ETNK2: variants seen among roughly 807,000 people sequenced by gnomAD.
The protein encoded by ETNK2 is ethanolamine kinase-like protein.
A neutral mutation model predicts 46.2 loss-of-function variants in ETNK2; 33 were observed. That is an observed-to-expected ratio of 0.71 (90% CI 0.54 to 0.96). The LOEUF is 0.96. Ranked by LOEUF, ETNK2 falls within the 40% of genes least tolerant of loss-of-function variation. The pLI is 0.00. For missense variants in ETNK2, 445 were observed against 509.7 expected (o/e 0.87, Z 1.22); for synonymous variants, 194 against 209.0 (o/e 0.93, Z 0.62).
chr1:204,138,258 C>A (rs1226916172), intron 5 of ETNK2, among the ~76,000 whole-genome samples: 1 of 152,138 alleles, frequency 6.6e-6, no homozygotes, highest in African/African-American at 2.4e-5. Context: ...CTCCTGCGCA[C>A]CCATGAGGCC....
chr1:204,147,030 C>A, intron 2 of ETNK2: 1 of 598,716 alleles, frequency 1.7e-6, no homozygotes, highest in Non-Finnish European at 3.2e-6. Flanking sequence ...AAGGGCAGAG[C>A]AGTGGGGCTG....
At chr1:204,145,576 G>C (rs142717771) in intron 3 of ETNK2, among the ~76,000 whole-genome samples, 153 of 152,360 alleles carry the variant, frequency 1.0e-3, no homozygotes, top group Middle Eastern at 3.4e-3. Context: ...GGGCAGGCCT[G>C]GGCCACCTTG....
intron 4 of ETNK2, 129 bp from the exon 5 acceptor site, chr1:204,140,247 C>G (rs1657450860): frequency 1.5e-6 from 1 of 683,096 alleles, no homozygotes; most frequent in Non-Finnish European, 2.6e-6. Context: ...CCTGCCCAAT[C>G]CCATCACTGC....
In ETNK2 at chr1:204,141,475, A is replaced by AG. The variant is rs1657535571; in HGVS notation, c.642-19dup. 3.8e-6 allele frequency: 6 copies of AG among 1,562,644 alleles called. No homozygotes were observed. The highest frequency in any genetic ancestry group is 5.2e-6 in the Non-Finnish European group (6 of 1,153,278). Reference sequence around the variant, plus strand: ...CAGAAAGGCTGGGCAGTGGCAAAAAAGGTAGCCAGTGAAAGGAGGGCTGAT... The same window carrying AG: ...CAGAAAGGCTGGGCAGTGGCAAAAAAGGGTAGCCAGTGAAAGGAGGGCTGAT... On this transcript the variant is annotated intron_variant, in intron 3 of 7. Coordinates refer to ENST00000367202, the MANE Select transcript of ETNK2 (RefSeq NM_018208.4).
intron 6 of ETNK2, 115 bp downstream of exon 6, chr1:204,136,988 TG>T: frequency 7.2e-7 from 1 of 1,389,086 alleles, no homozygotes; most frequent in Non-Finnish European, 9.9e-7. Context: ...GAGCCAGGGA[TG>T]GGTGTCCCCA....
In ETNK2 at chr1:204,151,735, G is replaced by A. The variant is rs1296606725; in HGVS notation, c.118C>T (p.Arg40Trp). The A allele has an allele frequency of 1.7e-5, 26 of 1,534,002 alleles. No individual in the cohort carries two copies. Among genetic ancestry groups the A allele is most frequent in the East Asian group, 4.9e-5 (2 of 40,570 alleles). The change falls in exon 1 of 8, where the codon CGG becomes TGG. Residue 40 changes from arginine to tryptophan, a missense_variant. Transcript: ENST00000367202. The surrounding 1 kb of genome is among the most constrained non-coding windows in gnomAD (Gnocchi z 8.0). ...GCCCTCGGGGGGCCCGGCGGCTCCC[G>A]GCAGCTGGCGCTGGCCGCCGCCTTC... Reference protein sequence around the residue: ...EEKAAASASCREPPGPPRAAA... With the variant: ...EEKAAASASCWEPPGPPRAAA...
At chr1:204,148,624 CA>C (rs1657886268) in intron 2 of ETNK2, among the ~76,000 whole-genome samples, 1 of 150,488 alleles carries the variant, frequency 6.6e-6, no homozygotes, top group Admixed American at 6.6e-5. Flanking sequence ...CTACAATACA[CA>C]ACTCAAATAT....
At chr1:204,142,738 CA>C (rs1056425210) in intron 3 of ETNK2, 3 of 152,284 alleles carry the variant, frequency 2.0e-5, no homozygotes, top group African/African-American at 7.2e-5. Flanking sequence ...TCACCCAGCC[CA>C]GGGGCCAGAA....
intron 2 of ETNK2, chr1:204,147,030 C>G: frequency 1.7e-6 from 1 of 598,716 alleles, no homozygotes; most frequent in Admixed American, 2.2e-5. Flanking sequence ...AAGGGCAGAG[C>G]AGTGGGGCTG....
chr1:204,145,862 C>T (rs560125517), intron 3 of ETNK2, among the ~76,000 whole-genome samples: 6 of 152,182 alleles, frequency 3.9e-5, no homozygotes, highest in Admixed American at 1.3e-4. Flanking sequence ...CAAGACACCA[C>T]GCTTTCCTCC....
In ETNK2 at chr1:204,136,111, T is replaced by C. The variant is rs193243925; in HGVS notation, c.1014+993A>G. On this transcript the variant is annotated intron_variant, in intron 6 of 7. Transcript: ENST00000367202. ...ATATATATGTATATACACACACACATATAGCCAGGCATGGTAGCTCACGCC... is the reference window on the plus strand; with the variant it reads ...ATATATATGTATATACACACACACACATAGCCAGGCATGGTAGCTCACGCC... Among the ~76,000 whole-genome samples, 87 of 152,222 alleles carry C rather than the reference T, an allele frequency of 5.7e-4. No homozygotes were observed. In the East Asian group the frequency reaches 0.016, roughly 28 times the overall value.
Position 204,151,284 on chromosome 1 carries a change from A to C in ETNK2, c.258+311T>G. 2.0e-6 allele frequency: 1 copy of C among 499,046 alleles called. No individual in the cohort carries two copies. The allele number at this position is 499,046 out of a possible 1,614,324, so 30.9% of individuals were successfully genotyped here. ...GCTGGCTGGGTACGCGCTTCTGGTC[A>C]GCGAGGGGCACCAGCACGCAGCGAC... is the stretch of plus-strand genomic sequence containing the variant. On this transcript the variant is annotated intron_variant, in intron 1 of 7. Transcript: ENST00000367202. The surrounding 1 kb of genome is among the most constrained non-coding windows in gnomAD (Gnocchi z 8.0).
In ETNK2 at chr1:204,149,050, C is replaced by G. The variant is rs551497039; in HGVS notation, c.518+653G>C. Among the ~76,000 whole-genome samples the G allele has an allele frequency of 7.2e-5, 11 of 152,154 alleles. 1 individual carries two copies. Among genetic ancestry groups the G allele is most frequent in the Non-Finnish European group, 1.6e-4 (11 of 68,002 alleles). ...CTAGGGGTCCTTCTTTGGTCCTCCC[C>G]CTTTCCAGGCTCCACAGCATTCCCA... On this transcript the variant is annotated intron_variant, in intron 2 of 7. Transcript: ENST00000367202.
chr1:204,139,082 GCA>G (rs1321079595), intron 5 of ETNK2, among the ~76,000 whole-genome samples: 1 of 152,140 alleles, frequency 6.6e-6, no homozygotes, highest in Non-Finnish European at 1.5e-5. Flanking sequence ...TTTTATAGGG[GCA>G]CAGAGAAGGT....
rs1272928222 is a variant in ETNK2, at chr1:204,132,201, A to T, written c.1144T>A (p.Leu382Met). 6.4e-7 allele frequency: 1 copy of T among 1,573,356 alleles called. No individual in the cohort carries two copies. The highest frequency in any genetic ancestry group is 1.4e-5 in the African/African-American group (1 of 74,046). The change falls in exon 8 of 8, where the codon TTG becomes ATG. Residue 382 changes from leucine (L) to methionine (M), a missense_variant. Transcript: ENST00000367202. ...YFKVKPQASA[L>M]EMPK ...GTGGCTGGTCACTTTGGCATCTCCA[A>T]GGCTGACGCTTGAGGCTTCACCTTG...
intron 7 of ETNK2, among the ~76,000 whole-genome samples, chr1:204,134,272 C>T (rs761888023): frequency 1.9e-4 from 29 of 152,184 alleles, no homozygotes; most frequent in Non-Finnish European, 1.3e-4. Flanking sequence ...GGTAGGATTT[C>T]GTGGGGACTA....
At chr1:204,149,508 C>T (rs1246512615) in intron 2 of ETNK2, among the ~76,000 whole-genome samples, 195 bp downstream of exon 2, 1 of 152,206 alleles carries the variant, frequency 6.6e-6, no homozygotes, top group Non-Finnish European at 1.5e-5. Flanking sequence ...CTTTCCTCCC[C>T]CAGAACTCAC....
chr1:204,150,192 C>T (rs1657952480), intron 1 of ETNK2, among the ~76,000 whole-genome samples: 1 of 152,156 alleles, frequency 6.6e-6, no homozygotes, highest in South Asian at 2.1e-4. Flanking sequence ...GGTTTAGCTC[C>T]CACACACTCC....
At position 204,149,925 on chromosome 1, in the gene ETNK2, C is replaced by T; in HGVS notation, c.296G>A (p.Cys99Tyr). 1 of 1,541,310 alleles carries T rather than the reference C, an allele frequency of 6.5e-7. No homozygotes were observed. The highest frequency in any genetic ancestry group is 8.7e-7 in the Non-Finnish European group (1 of 1,142,936). The change falls in exon 2 of 8, where the codon TGC becomes TAC. Residue 99 changes from cysteine to tyrosine, a missense_variant. By Grantham distance (194) the Cys-to-Tyr change is radical. Coordinates refer to ENST00000367202, the MANE Select transcript of ETNK2 (RefSeq NM_018208.4). ...TDGITNKLVA[C>Y]YVEEDMQDCV... ...GTCCTGCATGTCCTCCTCCACATAG[C>T]AGGCCACCAGCTTGTTGGTGATGCC...
Sources: gnomAD v4.1 joint callset for allele counts (sites outside exome capture counted in the v4.1 genomes callset) on GRCh38, gnomAD v4.1.1 for gene constraint, Gnocchi (gnomAD v3.1) non-coding constraint, MANE v1.5 for transcripts, NCBI Gene and HGNC (gene_info 2026-07-23, HGNC 2026-07-21) for gene names.